The following PSG1 variants were observed in gnomAD, a reference collection of about 807,000 sequenced individuals.
PSG1 encodes the protein pregnancy specific beta-1-glycoprotein 1.
In PSG1, 60 loss-of-function variants were observed where a neutral mutation model predicts 41.4. The ratio of observed to expected loss-of-function variants is 1.45; its 90% CI spans 1.18 to 1.80. The LOEUF (loss-of-function observed/expected upper bound fraction) is 1.80. Among genes scored for constraint, PSG1 ranks in the 40% most tolerant of loss-of-function variants. The pLI, the probability that PSG1 is intolerant of heterozygous loss-of-function variation, is 0.00. For synonymous variants in PSG1, 256 were observed against 192.9 expected, an observed-to-expected ratio of 1.33 and a Z score of -2.71; for missense variants, 806 against 516.9, an observed-to-expected ratio of 1.56 and a Z score of -5.42.
intron 2 of PSG1, among the ~76,000 whole-genome samples, chr19:42,874,852 C>T (rs1488787241): frequency 1.3e-5 from 2 of 151,182 alleles, no homozygotes; most frequent in Non-Finnish European, 2.9e-5. Flanking sequence ...AGATGGAGTG[C>T]CCAGCCATCT....
At chr19:42,877,843 C>A (rs1316553154) in intron 2 of PSG1, 70 bp downstream of exon 2, 8 of 1,609,742 alleles carry the variant, frequency 5.0e-6, no homozygotes, top group Admixed American at 1.7e-5. Context: ...CCAGGCCTGA[C>A]AATCCTGTGT....
intron 2 of PSG1, among the ~76,000 whole-genome samples, chr19:42,872,337 G>C (rs1485612045): frequency 6.6e-6 from 1 of 151,614 alleles, no homozygotes; most frequent in Non-Finnish European, 1.5e-5. Context: ...GCCTCTGTGT[G>C]TCCCTCCGTC....
chr19:42,866,848 G>C lies in PSG1; in HGVS notation c.*286C>G, dbSNP rs576868692. Reference sequence around the variant, plus strand: ...AGGCATGAGCAAGGACAGTTAAGAGGGGGGAGAGCCTCATCATGATGGGGA... The same window carrying C: ...AGGCATGAGCAAGGACAGTTAAGAGCGGGGAGAGCCTCATCATGATGGGGA... On this transcript the variant is annotated 3_prime_UTR_variant, in exon 6 of 6. Coordinates refer to ENST00000436291, the MANE Select transcript of PSG1 (RefSeq NM_001184825.2). The C allele has an allele frequency of 1.1e-3, 713 of 621,964 alleles. 12 individuals are homozygous for C. Among genetic ancestry groups the C allele is most frequent in the Middle Eastern group, 7.3e-3 (17 of 2,340 alleles). 38.5% of individuals were successfully genotyped at this position (621,964 alleles called of 1,614,324 possible).
rs1568416088 is a variant in PSG1 at position 42,868,808 on chromosome 19, T to A, written c.936A>T (p.Ile312=). 6.2e-7 allele frequency: 1 copy of A among 1,611,882 alleles called. No homozygotes were observed. Among genetic ancestry groups the A allele is most frequent in the African/African-American group, 1.3e-5 (1 of 74,662 alleles). The change falls in exon 4 of 6, where the codon ATA becomes ATT. Residue 312 remains isoleucine, a synonymous_variant. Coordinates refer to ENST00000436291, the MANE Select transcript of PSG1 (RefSeq NM_001184825.2). ...TGCGGATGCCACCATATCGGTCCCGTATTTCACATTGATAGGGTCCTGTTT... is the reference window on the plus strand; with the variant it reads ...TGCGGATGCCACCATATCGGTCCCGAATTTCACATTGATAGGGTCCTGTTT... The part of the protein sequence containing the change: ...RNETGPYQCE[I]RDRYGGIRSD...
rs867631072 is a variant in PSG1 at position 42,879,706 on chromosome 19, C to A, written c.-125G>T. 1.4e-5 allele frequency: 20 copies of A among 1,422,058 alleles called. No homozygotes were observed. The African/African-American group carries it at 1.6e-4, about 11-fold the overall frequency. The allele number at this position is 1,422,058 out of a possible 1,614,324, so 88.1% of individuals were successfully genotyped here. A position where few individuals can be genotyped will look rare whatever the true frequency, so the allele number is the denominator to read the frequency against. On this transcript the variant is annotated 5_prime_UTR_variant, in exon 1 of 6. Transcript: ENST00000436291. Reference sequence around the variant, plus strand: ...GCTGAGCCTCTTCCCAGGGCAGGAGCAATTCTCAAGCTCATGGGCAGGGTC... The same window carrying A: ...GCTGAGCCTCTTCCCAGGGCAGGAGAAATTCTCAAGCTCATGGGCAGGGTC...
At chr19:42,877,214 T>C (rs1971645804) in intron 2 of PSG1, among the ~76,000 whole-genome samples, 1 of 151,668 alleles carries the variant, frequency 6.6e-6, no homozygotes, top group African/African-American at 2.4e-5. Flanking sequence ...TTCTCTCTTC[T>C]GTTTCTGCTT....
intron 2 of PSG1, among the ~76,000 whole-genome samples, chr19:42,875,896 C>CA (rs1971584115): frequency 1.3e-5 from 2 of 148,894 alleles, no homozygotes; most frequent in African/African-American, 2.5e-5. Flanking sequence ...GAGGAACTGC[C>CA]TATCCCTGTC....
At chr19:42,879,185 T>G (rs564369794) in intron 1 of PSG1, among the ~76,000 whole-genome samples, 1 of 149,366 alleles carries the variant, frequency 6.7e-6, no homozygotes, top group Admixed American at 6.7e-5. Context: ...TGGAGTCTTG[T>G]ACTGTCGCCC....
chr19:42,866,718 A>G lies in PSG1; in HGVS notation c.*416T>C, dbSNP rs1211009783. On this transcript the variant is annotated 3_prime_UTR_variant, in exon 6 of 6. Transcript: ENST00000436291. The stretch of plus-strand genomic sequence containing the variant: ...CACATTTCCCCCTGAGATGTTATGT[A>G]AAAGTTTGAGGTTGAGATGACATAT... The G allele has an allele frequency of 1.7e-5, 7 of 402,640 alleles. No individual in the cohort carries two copies. Among genetic ancestry groups the G allele is most frequent in the Admixed American group, 3.8e-5 (1 of 26,160 alleles). The allele number at this position is 402,640 out of a possible 1,614,324, so 24.9% of individuals were successfully genotyped here.
Position 42,873,559 on chromosome 19 carries a change from A to G in PSG1, c.431-1514T>C, listed in dbSNP as rs551891083. On this transcript the variant is annotated intron_variant, in intron 2 of 5. Transcript: ENST00000436291. ...ATTTTTACTGATGGTCCAAACATCT[A>G]AGATCAATTGCTGGTAGTAGTATTT... Among the ~76,000 whole-genome samples the G allele has an allele frequency of 6.8e-4, 103 of 151,910 alleles. 4 individuals carry two copies. Among genetic ancestry groups the G allele is most frequent in the Admixed American group, 6.2e-3 (95 of 15,212 alleles).
At chr19:42,878,492 G>T (rs1971722241) in intron 1 of PSG1, 1 of 839,894 alleles carries the variant, frequency 1.2e-6, no homozygotes, top group South Asian at 2.7e-5. Flanking sequence ...CTAGGTCAAG[G>T]TCAGCAGCAT....
intron 2 of PSG1, among the ~76,000 whole-genome samples, chr19:42,874,950 A>T (rs564906725): frequency 6.6e-6 from 1 of 151,858 alleles, no homozygotes; most frequent in East Asian, 1.9e-4. Flanking sequence ...CAAGCTTGTT[A>T]TATGCCTGAC....
rs368357814 is a variant in PSG1, at chr19:42,878,140, T to A, written c.203A>T (p.Tyr68Phe). Residue 68 changes from tyrosine to phenylalanine, a missense_variant, in exon 2 of 6, where the codon TAC (tyrosine) becomes TTC (phenylalanine). By Grantham distance (22) the Tyr-to-Phe change is conservative. Transcript: ENST00000436291. ...GTAGAGGTCCCTCATTTGCCCTTTG[T>A]ACCAGATGTAGCCGGTAAGATTCTG... Reference protein sequence around the residue: ...LPQNLTGYIWYKGQMRDLYHY... With the variant: ...LPQNLTGYIWFKGQMRDLYHY... 1.4e-5 allele frequency: 22 copies of A among 1,612,226 alleles called. No individual in the cohort carries two copies. In the Middle Eastern group the frequency reaches 4.9e-4, roughly 36 times the overall value.
chr19:42,871,401 A>G (rs1470912161), intron 3 of PSG1, among the ~76,000 whole-genome samples: 2 of 151,588 alleles, frequency 1.3e-5, no homozygotes, highest in Non-Finnish European at 2.9e-5. Flanking sequence ...CTATTGTCAG[A>G]GGGAAGGGAA....
intron 2 of PSG1, chr19:42,876,854 T>G (rs1163002883): frequency 6.5e-6 from 1 of 153,968 alleles, no homozygotes; most frequent in African/African-American, 2.4e-5. Flanking sequence ...AACAAATGAC[T>G]ATGGGGTGCT....
intron 3 of PSG1, 130 bp downstream of exon 3, chr19:42,871,637 G>A: frequency 6.2e-7 from 1 of 1,604,330 alleles, no homozygotes; most frequent in Admixed American, 1.7e-5. Flanking sequence ...GGGGCACAAA[G>A]TCATGGCCAG....
In PSG1 at chr19:42,866,980, T is replaced by C. The variant is rs749767264; in HGVS notation, c.*154A>G. 2.6e-6 allele frequency: 2 copies of C among 761,916 alleles called. No homozygotes were observed. The highest frequency in any genetic ancestry group is 2.7e-5 in the South Asian group (2 of 73,944). The allele number at this position is 761,916 out of a possible 1,614,324, so 47.2% of individuals were successfully genotyped here. On this transcript the variant is annotated 3_prime_UTR_variant, in exon 6 of 6. Transcript: ENST00000436291. ...GTTGTTATGGTGTCGAATATTTTGG[T>C]GAGTTCTGAGTGGCTCATGCTTCAC...
intron 4 of PSG1, 69 bp from the exon 5 acceptor site, chr19:42,868,424 G>C: frequency 6.7e-7 from 1 of 1,502,804 alleles, no homozygotes; most frequent in East Asian, 2.3e-5. Context: ...GTCTCTTAAA[G>C]GGACACAGTG....
At chr19:42,878,711 C>T (rs1220449911) in intron 1 of PSG1, among the ~76,000 whole-genome samples, 3 of 149,506 alleles carry the variant, frequency 2.0e-5, no homozygotes, top group Non-Finnish European at 4.4e-5. Flanking sequence ...TTCTTGTCAA[C>T]ACCTGACCTC....
Sources: gnomAD v4.1 joint callset for allele counts (sites outside exome capture counted in the v4.1 genomes callset) on GRCh38, gnomAD v4.1.1 for gene constraint, MANE v1.5 for transcripts, NCBI Gene and HGNC (gene_info 2026-07-23, HGNC 2026-07-21) for gene names.